The following DGCR2 variants were observed in gnomAD, a reference collection of about 807,000 sequenced individuals.
The protein encoded by DGCR2 is DiGeorge syndrome critical region gene 2.
A neutral mutation model predicts 51.6 loss-of-function variants in DGCR2; 24 were observed. The observed-to-expected ratio is 0.47, with a 90% CI of 0.34 to 0.65. The LOEUF is 0.65. Ranked by LOEUF, DGCR2 falls within the 30% of genes least tolerant of loss-of-function variation. The pLI is 0.01. For synonymous variants in DGCR2, 340 were observed against 315.4 expected (o/e 1.08, Z -0.82); for missense variants, 765 against 772.1 (o/e 0.99, Z 0.11).
chr22:19,080,137 G>C (rs2082920135), intron 2 of DGCR2, among the ~76,000 whole-genome samples: 1 of 152,192 alleles, frequency 6.6e-6, no homozygotes, highest in African/African-American at 2.4e-5. Flanking sequence ...GACATCTGGA[G>C]AGCAGGGCAG....
In DGCR2 at chr22:19,065,073, G is replaced by A; in HGVS notation, c.329-6C>T. The A allele has an allele frequency of 1.2e-6, 2 of 1,612,974 alleles. No individual in the cohort carries two copies. The highest frequency in any genetic ancestry group is 1.1e-5 in the South Asian group (1 of 90,994). ...CGGGCACTTCCCTAGGAAACATAAA[G>A]GACAGAAGGGGAGTTGTCCCCCAAG... On this transcript the variant is annotated splice_region_variant and splice_polypyrimidine_tract_variant and intron_variant, in intron 3 of 9. Coordinates refer to ENST00000263196, the MANE Select transcript of DGCR2 (RefSeq NM_005137.3).
chr22:19,041,762 G>C, intron 8 of DGCR2, 45 bp downstream of exon 8: 3 of 1,591,024 alleles, frequency 1.9e-6, no homozygotes, highest in Non-Finnish European at 2.6e-6. Flanking sequence ...GGGTGACCTG[G>C]GGTGGGGATG....
chr22:19,036,861 A>T lies in DGCR2; in HGVS notation c.*2004T>A, dbSNP rs919523146. 1 of 152,576 alleles carries T rather than the reference A, an allele frequency of 6.6e-6. No homozygotes were observed. Among genetic ancestry groups the T allele is most frequent in the African/African-American group, 2.4e-5 (1 of 41,418 alleles). The allele number at this position is 152,576 out of a possible 1,614,324, so 9.5% of individuals were successfully genotyped here. A position where few individuals can be genotyped will look rare whatever the true frequency, so the allele number is the denominator to read the frequency against. ...CCCCCTACGTGTCTGACCGGCCCCT[A>T]ATGTTCCTCTGGTCCCCAAAGGAAG... On this transcript the variant is annotated 3_prime_UTR_variant, in exon 10 of 10. Transcript: ENST00000263196.
Position 19,041,908 on chromosome 22 carries a change from C to G in DGCR2, c.1058G>C (p.Ser353Thr), listed in dbSNP as rs759884409. Residue 353 changes from serine to threonine, a missense_variant, in exon 8 of 10, where the codon AGC becomes ACC. Around this residue, in one of 3 missense-constraint regions of DGCR2, gnomAD observed 190 missense variants for 265.2 expected, o/e 0.72. Transcript: ENST00000263196. Reference sequence around the variant, plus strand: ...CAGGATGAGGAAGGAGGAGATGCAGCTGACGACCAGGCGCATCCCGCTGGC... The same window carrying G: ...CAGGATGAGGAAGGAGGAGATGCAGGTGACGACCAGGCGCATCCCGCTGGC... ...SMASGMRLVV[S>T]CISSFLILSL... is the part of the protein sequence containing the mutation. 1.8e-5 allele frequency: 29 copies of G among 1,613,580 alleles called. No homozygotes were observed. The South Asian group carries it at 2.5e-4, about 14-fold the overall frequency.
chr22:19,096,165 T>C (rs2525037), intron 1 of DGCR2, among the ~76,000 whole-genome samples: 62,656 of 151,320 alleles, frequency 0.41, 13,365 homozygotes, highest in African/African-American at 0.54. Context: ...TATTAAAAAT[T>C]TCTAACTTCT....
intron 5 of DGCR2, among the ~76,000 whole-genome samples, chr22:19,062,779 A>ATTCTCTCTCTCTCTCTCTCTT: frequency 7.9e-6 from 1 of 127,354 alleles, no homozygotes; most frequent in Admixed American, 7.8e-5. Flanking sequence ...ATGCATGCTC[A>ATTCTCTCTCTCTCTCTCTCTT]CTCTCTCTCT....
At chr22:19,087,439 G>A (rs760374312) in intron 2 of DGCR2, among the ~76,000 whole-genome samples, 3 of 152,120 alleles carry the variant, frequency 2.0e-5, no homozygotes, top group African/African-American at 7.2e-5. Flanking sequence ...GCCCAGGCTG[G>A]AGCGCACTGG....
At chr22:19,052,347 C>T (rs1049587530) in intron 6 of DGCR2, among the ~76,000 whole-genome samples, 13 of 151,678 alleles carry the variant, frequency 8.6e-5, no homozygotes, top group African/African-American at 3.2e-4. Flanking sequence ...ACCCAAGAGG[C>T]GGAAGCTGCA....
At chr22:19,121,928 G>A (rs1407653377) in intron 1 of DGCR2, 200 bp downstream of exon 1, 4 of 286,130 alleles carry the variant, frequency 1.4e-5, no homozygotes, top group Non-Finnish European at 1.9e-5. Flanking sequence ...AGAGCTGCAC[G>A]AAGTCCGAGG....
intron 1 of DGCR2, among the ~76,000 whole-genome samples, chr22:19,102,467 C>T (rs1246492875): frequency 1.3e-5 from 2 of 152,138 alleles, no homozygotes; most frequent in South Asian, 2.1e-4. Flanking sequence ...CTTTGGGAGG[C>T]TGAGGTGGGT....
chr22:19,108,010 A>T (rs1051518571), intron 1 of DGCR2, among the ~76,000 whole-genome samples: 2 of 152,172 alleles, frequency 1.3e-5, no homozygotes, highest in African/African-American at 4.8e-5. Context: ...TCCTTAAGAC[A>T]ACTCATTTGC....
intron 1 of DGCR2, chr22:19,121,507 C>CA (rs2083432073): frequency 6.6e-6 from 1 of 152,296 alleles, no homozygotes; most frequent in Non-Finnish European, 1.5e-5. Flanking sequence ...CTTAAGAACA[C>CA]ACTAGCTCCG....
chr22:19,116,819 A>G (rs1280660064), intron 1 of DGCR2, among the ~76,000 whole-genome samples: 1 of 152,058 alleles, frequency 6.6e-6, no homozygotes, highest in Non-Finnish European at 1.5e-5. Context: ...AGCAGGAGAG[A>G]GTCAATAACT....
intron 2 of DGCR2, among the ~76,000 whole-genome samples, chr22:19,075,523 C>T (rs2082866156): frequency 6.6e-6 from 1 of 152,118 alleles, no homozygotes; most frequent in South Asian, 2.1e-4. Context: ...CCATCACCAC[C>T]ATCCATCTCC....
At chr22:19,072,193 GGAA>G (rs2082822864) in intron 2 of DGCR2, among the ~76,000 whole-genome samples, 1 of 152,132 alleles carries the variant, frequency 6.6e-6, no homozygotes, top group South Asian at 2.1e-4. Context: ...CTTTACTCAG[GGAA>G]GAGAGGACAG....
chr22:19,084,133 G>C (rs1316791062), intron 2 of DGCR2, among the ~76,000 whole-genome samples: 4 of 152,112 alleles, frequency 2.6e-5, no homozygotes, highest in Non-Finnish European at 5.9e-5. Context: ...GCCTCTGCCC[G>C]GCCACCACCC....
chr22:19,116,782 C>T lies in DGCR2; in HGVS notation c.79+5346G>A, dbSNP rs1261678100. 1.2e-4 allele frequency among the ~76,000 whole-genome samples: 18 copies of T among 152,228 alleles called. No individual in the cohort carries two copies. The South Asian group carries it at 3.7e-3, about 32-fold the overall frequency. ...CCAACAACCAAGAGAGGCAGAGGAA[C>T]TCCCTGCCTGTCAAAGGCTCAGGTC... On this transcript the variant is annotated intron_variant, in intron 1 of 9. Transcript: ENST00000263196.
At chr22:19,097,984 GA>G (rs2083160247) in intron 1 of DGCR2, among the ~76,000 whole-genome samples, 1 of 152,162 alleles carries the variant, frequency 6.6e-6, no homozygotes, top group Non-Finnish European at 1.5e-5. Flanking sequence ...TGGGCTCAGG[GA>G]AAAGTTCCTC....
intron 7 of DGCR2, among the ~76,000 whole-genome samples, chr22:19,044,702 G>A (rs1001896): frequency 0.24 from 35,819 of 152,198 alleles, 4,776 homozygotes; most frequent in African/African-American, 0.37. Context: ...GGTACCCCAC[G>A]TGGATTTAGT....
Sources: gnomAD v4.1 joint callset for allele counts (sites outside exome capture counted in the v4.1 genomes callset) on GRCh38, gnomAD v4.1.1 for gene constraint, gnomAD v4.1.1 regional missense constraint, MANE v1.5 for transcripts, NCBI Gene and HGNC (gene_info 2026-07-23, HGNC 2026-07-21) for gene names.